The following EMC1 variants were observed in gnomAD, a reference collection of about 807,000 sequenced individuals.
EMC1 encodes the protein ER membrane protein complex subunit 1.
In EMC1, 103 loss-of-function variants were observed where a neutral mutation model predicts 128.8. The observed-to-expected ratio is 0.80, with a 90% confidence interval of 0.68 to 0.94. The LOEUF is 0.94. Ranked by LOEUF, EMC1 falls within the 40% of genes least tolerant of loss-of-function variation. The pLI, the probability that EMC1 is intolerant of heterozygous loss-of-function variation, is 0.00. For missense variants in EMC1, 1,083 were observed against 1,250.6 expected (o/e 0.87, Z 2.02); for synonymous variants, 442 against 490.4 (o/e 0.90, Z 1.30).
In EMC1 at chr1:19,237,498, TA is replaced by T. The variant is rs1403270380; in HGVS notation, c.1213-261del. 5.3e-5 allele frequency among the ~76,000 whole-genome samples: 8 copies of T among 152,302 alleles called. No individual in the cohort carries two copies. In the East Asian group the frequency reaches 1.4e-3, roughly 26 times the overall value. ...GGTACCACGCCATTCATCCATGCTCTAATCACACCCCACAAAGTGAGCAGGA... is the reference window on the plus strand; with the variant it reads ...GGTACCACGCCATTCATCCATGCTCTATCACACCCCACAAAGTGAGCAGGA... On this transcript the variant is annotated intron_variant, in intron 11 of 22. Transcript: ENST00000477853.
chr1:19,226,790 C>G (rs2093477626), intron 18 of EMC1, among the ~76,000 whole-genome samples: 1 of 151,466 alleles, frequency 6.6e-6, no homozygotes, highest in South Asian at 2.1e-4. Flanking sequence ...CCCAAGCTGG[C>G]CTCAAACTCC....
rs754381185 is a variant in EMC1, at chr1:19,220,745, C to G, written c.2672+19G>C. 4 of 1,597,748 alleles carry G rather than the reference C, an allele frequency of 2.5e-6. No homozygotes were observed. The East Asian group carries it at 6.7e-5, about 27-fold the overall frequency. On this transcript the variant is annotated intron_variant, in intron 21 of 22. Coordinates refer to ENST00000477853, the MANE Select transcript of EMC1 (RefSeq NM_015047.3). ...TTATGTAAGGTCAGAGCCTTCAGCA[C>G]TGCCCATGAGGGTCTCACCTGCTTT...
In EMC1 at chr1:19,239,223, A is replaced by G. The variant is rs765490613; in HGVS notation, c.1026+8T>C. On this transcript the variant is annotated splice_region_variant and intron_variant, in intron 9 of 22. Transcript: ENST00000477853. ...TCCCAAGTGCTGACTGTTGTTCTCA[A>G]TACTCACCACTTCATTCCGACAGGC... The G allele has an allele frequency of 1.5e-5, 25 of 1,613,276 alleles. No individual in the cohort carries two copies. Among genetic ancestry groups the G allele is most frequent in the East Asian group, 4.5e-5 (2 of 44,874 alleles).
chr1:19,230,225 C>T (rs2093509351), intron 17 of EMC1, among the ~76,000 whole-genome samples: 1 of 151,940 alleles, frequency 6.6e-6, no homozygotes, highest in African/African-American at 2.4e-5. Context: ...AACCCACATT[C>T]CTACCTTCTA....
At position 19,222,751 on chromosome 1, in the gene EMC1, G is replaced by A. The variant is rs935669766; in HGVS notation, c.2460C>T (p.Thr820=). 1.2e-5 allele frequency: 20 copies of A among 1,614,022 alleles called. No homozygotes were observed. Among genetic ancestry groups the A allele is most frequent in the Middle Eastern group, 1.6e-4 (1 of 6,084 alleles). Residue 820 remains threonine, a synonymous_variant, in exon 20 of 23, where the codon ACC becomes ACT. Coordinates refer to ENST00000477853, the MANE Select transcript of EMC1 (RefSeq NM_015047.3). ...GGGGGCGGTCCAGGGAGCTGAAGGC[G>A]GTGGCGTTGTATTGCTCAGTGCCCT... is the stretch of plus-strand genomic sequence containing the variant. ...LYEGTEQYNA[T]AFSSLDRPQL...
Position 19,241,139 on chromosome 1 carries a change from G to A in EMC1, c.513C>T (p.Asp171=). 1 of 1,614,078 alleles carries A rather than the reference G, an allele frequency of 6.2e-7. No individual in the cohort carries two copies. The change falls in exon 6 of 23, where the codon GAC becomes GAT. Residue 171 remains aspartate, a synonymous_variant. Transcript: ENST00000477853. ...AATACACCATCTGGTAGTGGATGCT[G>A]TCACTAAGAGAGGGAAGAAGAAACC... ...LKWVEHLPES[D]SIHYQMVYSY... is the part of the protein sequence containing the mutation.
chr1:19,229,037 C>T (rs1241203568), intron 17 of EMC1, among the ~76,000 whole-genome samples: 1 of 152,092 alleles, frequency 6.6e-6, no homozygotes, highest in Non-Finnish European at 1.5e-5. Context: ...GAGCGAGACT[C>T]TGTCTCTAAA....
intron 13 of EMC1, 28 bp from the exon 14 acceptor site, chr1:19,233,163 TAC>T (rs2093537186): frequency 1.3e-6 from 2 of 1,585,222 alleles, no homozygotes; most frequent in East Asian, 4.5e-5. Flanking sequence ...TAACATACTC[TAC>T]ATCAGACTAG....
chr1:19,241,357 A>G (rs2093604436), intron 5 of EMC1, among the ~76,000 whole-genome samples: 1 of 152,078 alleles, frequency 6.6e-6, no homozygotes. Flanking sequence ...CAGATTTCTA[A>G]ATTTTCCTAC....
intron 15 of EMC1, among the ~76,000 whole-genome samples, chr1:19,231,644 G>C (rs1323031430): frequency 6.6e-6 from 1 of 152,042 alleles, no homozygotes; most frequent in Non-Finnish European, 1.5e-5. Flanking sequence ...GTTTGAGACA[G>C]GGTCTCTCTC....
intron 12 of EMC1, among the ~76,000 whole-genome samples, chr1:19,236,431 T>C (rs1471490109): frequency 2.8e-3 from 330 of 116,594 alleles, no homozygotes; most frequent in Middle Eastern, 0.019. Flanking sequence ...CCGAGGCAGG[T>C]GGATCACCTG....
In EMC1 at chr1:19,247,706, A is replaced by G. The variant is rs1173428689; in HGVS notation, c.96-2676T>C. On this transcript the variant is annotated intron_variant, in intron 1 of 22. Transcript: ENST00000477853. ...TACTTATTAAAAGAAAATTAACTGT[A>G]AAATAGTCTCATGCAGGTGCTTCAA... Among the ~76,000 whole-genome samples the G allele has an allele frequency of 4.6e-5, 7 of 152,184 alleles. No individual in the cohort carries two copies. The East Asian group carries it at 1.2e-3, about 25-fold the overall frequency.
In EMC1 at chr1:19,239,541, T is replaced by A. The variant is rs1212939721; in HGVS notation, c.955-239A>T. ...TCAATCTTAAATCCCATGCTGCTTGTTCTTACTATCTATGGGGAAGCTCTC... is the reference window on the plus strand; with the variant it reads ...TCAATCTTAAATCCCATGCTGCTTGATCTTACTATCTATGGGGAAGCTCTC... On this transcript the variant is annotated intron_variant, in intron 8 of 22. Transcript: ENST00000477853. The A allele has an allele frequency of 5.1e-6, 3 of 585,770 alleles. No individual in the cohort carries two copies. In the African/African-American group the frequency reaches 5.6e-5, roughly 11 times the overall value. 36.3% of individuals were successfully genotyped at this position (585,770 alleles called of 1,614,324 possible).
intron 17 of EMC1, among the ~76,000 whole-genome samples, chr1:19,228,822 C>T (rs911786511): frequency 3.9e-5 from 6 of 152,014 alleles, no homozygotes; most frequent in African/African-American, 1.5e-4. Context: ...GAGCCCGAGG[C>T]GGGAGGATCA....
chr1:19,241,498 C>A (rs970359890), intron 5 of EMC1, among the ~76,000 whole-genome samples: 1 of 152,070 alleles, frequency 6.6e-6, no homozygotes, highest in African/African-American at 2.4e-5. Flanking sequence ...ATTTCATAAC[C>A]CGCCTCATAG....
intron 17 of EMC1, 85 bp downstream of exon 17, chr1:19,230,759 G>A: frequency 1.3e-6 from 2 of 1,505,754 alleles, no homozygotes; most frequent in South Asian, 1.2e-5. Flanking sequence ...AGTAGAATGA[G>A]TAGCATAATT....
chr1:19,249,559 A>G (rs577112631), intron 1 of EMC1, among the ~76,000 whole-genome samples: 117 of 152,332 alleles, frequency 7.7e-4, no homozygotes, highest in African/African-American at 2.6e-3. Context: ...CGTTTGCACA[A>G]GAGGGCATTT....
rs1217685536 is a variant in EMC1, at chr1:19,218,444, A to T, written c.*859T>A. On this transcript the variant is annotated 3_prime_UTR_variant, in exon 23 of 23. Transcript: ENST00000477853. ...TAAAAATAAATAATGGGGTTCTTAA[A>T]CAAGGACATCTTTAACTAGGTTATG... 1 of 152,260 alleles carries T rather than the reference A, an allele frequency of 6.6e-6. No homozygotes were observed. Among genetic ancestry groups the T allele is most frequent in the African/African-American group, 2.4e-5 (1 of 41,470 alleles). 9.4% of individuals were successfully genotyped at this position (152,260 alleles called of 1,614,324 possible).
At chr1:19,228,530 C>T (rs1371686255) in intron 17 of EMC1, among the ~76,000 whole-genome samples, 1 of 152,080 alleles carries the variant, frequency 6.6e-6, no homozygotes, top group Admixed American at 6.6e-5. Context: ...GCACAAGGGC[C>T]TTCTAGGAGC....
Sources: gnomAD v4.1 joint callset for allele counts (sites outside exome capture counted in the v4.1 genomes callset) on GRCh38, gnomAD v4.1.1 for gene constraint, MANE v1.5 for transcripts, NCBI Gene and HGNC (gene_info 2026-07-23, HGNC 2026-07-21) for gene names.